Variants in MACROD2 observed in about 807,000 individuals in gnomAD.
MACROD2 encodes mono-ADP ribosylhydrolase 2.
A neutral mutation model predicts 70.4 loss-of-function variants in MACROD2; 36 were observed. The observed-to-expected ratio is 0.51, with a 90% CI of 0.39 to 0.68. The LOEUF (loss-of-function observed/expected upper bound fraction) is 0.68, where lower values mean the gene tolerates loss of function less well. Ranked by LOEUF, MACROD2 falls within the 30% of genes least tolerant of loss-of-function variation. MACROD2 has a pLI of 0.00. For missense variants in MACROD2, 496 were observed against 538.4 expected, an observed-to-expected ratio of 0.92 and a Z score of 0.78; for synonymous variants, 172 against 178.8, an observed-to-expected ratio of 0.96 and a Z score of 0.30.
At chr20:14,194,712 G>C (rs1034860075) in intron 3 of MACROD2, among the ~76,000 whole-genome samples, 24 of 152,136 alleles carry the variant, frequency 1.6e-4, no homozygotes, top group African/African-American at 5.8e-4. Flanking sequence ...TAAAACTCTT[G>C]GCTGAGACTA....
intron 8 of MACROD2, among the ~76,000 whole-genome samples, chr20:15,502,032 A>G (rs1287722843): frequency 6.6e-6 from 1 of 152,220 alleles, no homozygotes; most frequent in Non-Finnish European, 1.5e-5. Context: ...TTTATATTCC[A>G]GGGACAGAGC....
chr20:15,035,733 A>C (rs1379610923), intron 5 of MACROD2, among the ~76,000 whole-genome samples: 1 of 152,164 alleles, frequency 6.6e-6, no homozygotes, highest in Non-Finnish European at 1.5e-5. Flanking sequence ...TCCAACGGAC[A>C]ACAGGATCTT....
At chr20:15,940,899 A>T (rs2147340084) in intron 12 of MACROD2, among the ~76,000 whole-genome samples, 1 of 152,318 alleles carries the variant, frequency 6.6e-6, no homozygotes. Flanking sequence ...TTTGTGATAA[A>T]AATTTTAAAG....
chr20:14,670,391 C>G (rs1441554528), intron 4 of MACROD2, among the ~76,000 whole-genome samples: 1 of 152,182 alleles, frequency 6.6e-6, no homozygotes, highest in African/African-American at 2.4e-5. Context: ...GGCTACCAGT[C>G]TGGCACATTC....
chr20:14,179,712 G>T (rs1228946862), intron 3 of MACROD2, among the ~76,000 whole-genome samples: 1 of 152,096 alleles, frequency 6.6e-6, no homozygotes, highest in African/African-American at 2.4e-5. Context: ...TTTTACCAAA[G>T]ATATGATATT....
chr20:14,441,866 A>T (rs2084127522), intron 3 of MACROD2, among the ~76,000 whole-genome samples: 1 of 151,580 alleles, frequency 6.6e-6, no homozygotes, highest in Non-Finnish European at 1.5e-5. Flanking sequence ...GTTGATAGTG[A>T]TGTACGCGTT....
intron 6 of MACROD2, among the ~76,000 whole-genome samples, chr20:15,371,051 T>C (rs2045484675): frequency 6.6e-6 from 1 of 152,096 alleles, no homozygotes; most frequent in Admixed American, 6.6e-5. Flanking sequence ...CATCCACAGG[T>C]TACCTGGTTC....
At chr20:15,986,634 T>A in intron 13 of MACROD2, 93 bp from the exon 14 acceptor site, 1 of 872,854 alleles carries the variant, frequency 1.1e-6, no homozygotes, top group Non-Finnish European at 1.8e-6. Flanking sequence ...TATCTCTCCA[T>A]GCATGATTAA....
intron 8 of MACROD2, among the ~76,000 whole-genome samples, chr20:15,568,011 G>T (rs1048029858): frequency 6.6e-6 from 1 of 152,194 alleles, no homozygotes; most frequent in Admixed American, 6.5e-5. Context: ...TTCTGAAGGA[G>T]AATCCAAAAA....
intron 5 of MACROD2, among the ~76,000 whole-genome samples, chr20:14,990,217 A>T (rs941764529): frequency 1.3e-5 from 2 of 152,070 alleles, no homozygotes; most frequent in African/African-American, 4.8e-5. Flanking sequence ...TGGAAATGTG[A>T]TCAGCCTCAT....
intron 8 of MACROD2, among the ~76,000 whole-genome samples, chr20:15,576,708 T>C (rs1320204978): frequency 1.3e-5 from 2 of 152,176 alleles, no homozygotes; most frequent in African/African-American, 4.8e-5. Context: ...TAGGAGCAGC[T>C]GGCAGATGGG....
chr20:14,552,289 A>T (rs1249996438), intron 4 of MACROD2, among the ~76,000 whole-genome samples: 1 of 128,800 alleles, frequency 7.8e-6, no homozygotes, highest in African/African-American at 2.9e-5. Flanking sequence ...TTTATAATAC[A>T]GTAAAATTTA....
At chr20:14,986,657 A>T (rs1033943284) in intron 5 of MACROD2, among the ~76,000 whole-genome samples, 4 of 152,166 alleles carry the variant, frequency 2.6e-5, no homozygotes, top group African/African-American at 9.7e-5. Flanking sequence ...AAAAAATCTT[A>T]CTGTGAGCCT....
intron 5 of MACROD2, among the ~76,000 whole-genome samples, chr20:14,853,171 GTC>G (rs1450085147): frequency 2.7e-5 from 3 of 110,958 alleles, no homozygotes; most frequent in African/African-American, 6.5e-5. Context: ...GTGTGTGTGT[GTC>G]TGTGTGTGTG....
At chr20:15,624,177 G>A (rs545806145) in intron 8 of MACROD2, among the ~76,000 whole-genome samples, 2 of 152,306 alleles carry the variant, frequency 1.3e-5, no homozygotes, top group Admixed American at 1.3e-4. Flanking sequence ...ATGTTTGAGG[G>A]CAGGAAGCAT....
intron 5 of MACROD2, among the ~76,000 whole-genome samples, chr20:15,174,167 TTTA>T (rs1313078711): frequency 6.6e-6 from 1 of 152,212 alleles, no homozygotes; most frequent in Non-Finnish European, 1.5e-5. Context: ...ATGACAAATT[TTTA>T]TTATTTTTAC....
intron 13 of MACROD2, among the ~76,000 whole-genome samples, chr20:15,986,260 C>T (rs1890564): frequency 0.11 from 16,932 of 152,154 alleles, 1,110 homozygotes; most frequent in South Asian, 0.17. Context: ...CTGTTATCCC[C>T]CCAGTTCCCT....
At chr20:15,236,085 A>G (rs1179368206) in intron 6 of MACROD2, among the ~76,000 whole-genome samples, 1 of 152,262 alleles carries the variant, frequency 6.6e-6, no homozygotes, top group Non-Finnish European at 1.5e-5. Context: ...AGTTTACAGC[A>G]GTGTATTCCT....
rs3070269 is a variant in MACROD2, at chr20:15,143,945, T to TAAAA, written c.419-85985_419-85982dup. On this transcript the variant is annotated intron_variant, in intron 5 of 17. Transcript: ENST00000684519. ...CTAACACTAACGATCGCTGATGAGCTAAAAAAAAAAAAATCGCAAAAAAAA... is the reference window on the plus strand; with the variant it reads ...CTAACACTAACGATCGCTGATGAGCTAAAAAAAAAAAAAAAAATCGCAAAAAAAA... 9.7e-3 allele frequency among the ~76,000 whole-genome samples: 1,278 copies of TAAAA among 131,924 alleles called. 23 individuals carry two copies. Among genetic ancestry groups the TAAAA allele is most frequent in the African/African-American group, 0.032 (1,116 of 34,790 alleles). The allele number at this position is 131,924 out of a possible 152,430, so 86.5% of individuals were successfully genotyped here. A position where few individuals can be genotyped will look rare whatever the true frequency, so the allele number is the denominator to read the frequency against.
Sources: gnomAD v4.1 joint callset for allele counts (sites outside exome capture counted in the v4.1 genomes callset) on GRCh38, gnomAD v4.1.1 for gene constraint, MANE v1.5 for transcripts, NCBI Gene and HGNC (gene_info 2026-07-23, HGNC 2026-07-21) for gene names.